Variants in RARB observed in about 807,000 individuals in gnomAD.
RARB encodes HBV-activated protein.
Under a neutral mutation model 51.9 loss-of-function variants are expected in RARB, and 17 were observed. That is an observed-to-expected ratio of 0.33 (90% CI 0.22 to 0.49). The LOEUF (loss-of-function observed/expected upper bound fraction) is 0.49, where lower values mean the gene tolerates loss of function less well. RARB is among the 20% of genes least tolerant of loss of function. The probability of loss-of-function intolerance (pLI) is 0.99; values close to 1 mark genes in which losing one functional copy is unlikely to be tolerated. For synonymous variants in RARB, 215 were observed against 195.4 expected (o/e 1.10, Z -0.84); for missense variants, 369 against 550.8 (o/e 0.67, Z 3.30).
chr3:24,937,577 A>C (rs1322776891), intron 2 of RARB, among the ~76,000 whole-genome samples: 1 of 152,180 alleles, frequency 6.6e-6, no homozygotes, highest in Non-Finnish European at 1.5e-5. Flanking sequence ...CAGGGAAGCA[A>C]ACAAGCAAAG....
chr3:25,019,996 C>T (rs1003891626), intron 2 of RARB, among the ~76,000 whole-genome samples: 1 of 151,948 alleles, frequency 6.6e-6, no homozygotes, highest in Non-Finnish European at 1.5e-5. Context: ...GTGACCTCTT[C>T]CAACTTACAC....
rs6796338 is a variant in RARB, at chr3:25,259,529, G to A, written c.178+84954G>A. On this transcript the variant is annotated intron_variant, in intron 5 of 11. Transcript: ENST00000383772. Reference sequence around the variant, plus strand: ...ACCTAGGAACCTACCTTTAGCCTAGGTCCCTGAATGACTGCCTACAGCAGA... The same window carrying A: ...ACCTAGGAACCTACCTTTAGCCTAGATCCCTGAATGACTGCCTACAGCAGA... Among the ~76,000 whole-genome samples the A allele has an allele frequency of 6.9e-3, 1,049 of 152,142 alleles. 10 individuals are homozygous for A. Among genetic ancestry groups the A allele is most frequent in the African/African-American group, 0.024 (998 of 41,516 alleles).
intron 3 of RARB, among the ~76,000 whole-genome samples, chr3:25,080,804 C>A (rs1575151218): frequency 6.6e-6 from 1 of 152,026 alleles, no homozygotes; most frequent in South Asian, 2.1e-4. Context: ...GGTATTAAAG[C>A]CTTATCAGGT....
At chr3:25,182,908 G>A (rs1485738603) in intron 5 of RARB, among the ~76,000 whole-genome samples, 1 of 152,132 alleles carries the variant, frequency 6.6e-6, no homozygotes, top group Non-Finnish European at 1.5e-5. Flanking sequence ...AGAGACACAT[G>A]TGAAGATTGG....
intron 3 of RARB, among the ~76,000 whole-genome samples, chr3:25,523,056 T>G (rs1044805630): frequency 2.6e-5 from 4 of 152,256 alleles, no homozygotes; most frequent in African/African-American, 9.6e-5. Flanking sequence ...AATCCCACTA[T>G]GCGTTGAAAA....
intron 3 of RARB, among the ~76,000 whole-genome samples, chr3:25,527,965 T>G (rs998894232): frequency 6.6e-6 from 1 of 152,224 alleles, no homozygotes; most frequent in Non-Finnish European, 1.5e-5. Flanking sequence ...AACAAGGCCC[T>G]GCACAAAGCC....
rs544695005 is a variant in RARB, at chr3:25,102,748, G to A, written c.-327-29413G>A. On this transcript the variant is annotated intron_variant, in intron 3 of 11. Transcript: ENST00000383772. The stretch of plus-strand genomic sequence containing the variant: ...CTGAATTTCAGTTAAGATGCCGTGA[G>A]TTTGTATAAAGAACTGCTTCATGCT... 1.6e-4 allele frequency among the ~76,000 whole-genome samples: 24 copies of A among 152,072 alleles called. No homozygotes were observed. The South Asian group carries it at 3.9e-3, about 25-fold the overall frequency.
At chr3:25,011,993 C>T (rs764176157) in intron 2 of RARB, among the ~76,000 whole-genome samples, 1 of 152,078 alleles carries the variant, frequency 6.6e-6, no homozygotes, top group Non-Finnish European at 1.5e-5. Context: ...ACAGGACTGA[C>T]ATCATCTGCA....
intron 3 of RARB, among the ~76,000 whole-genome samples, chr3:25,077,637 A>C (rs1167145146): frequency 6.6e-6 from 1 of 152,198 alleles, no homozygotes; most frequent in Non-Finnish European, 1.5e-5. Flanking sequence ...TAAAACTGCT[A>C]TGAAGATTTT....
chr3:25,155,867 T>C (rs1041463890), intron 4 of RARB, among the ~76,000 whole-genome samples: 4 of 152,182 alleles, frequency 2.6e-5, no homozygotes, highest in Non-Finnish European at 4.4e-5. Context: ...GGGGCATTGG[T>C]TCCCAGCCTT....
chr3:25,115,633 CCTTTCTTTTTCTTT>C (rs1211090516), intron 3 of RARB, among the ~76,000 whole-genome samples: 8 of 136,188 alleles, frequency 5.9e-5, no homozygotes, highest in Non-Finnish European at 1.3e-4. Flanking sequence ...TCTTTTTTTT[CCTTTCTTTTTCTTT>C]CTTTCTTTTT....
At chr3:25,529,046 G>A (rs750125463) in intron 3 of RARB, among the ~76,000 whole-genome samples, 9 of 151,922 alleles carry the variant, frequency 5.9e-5, no homozygotes, top group Admixed American at 1.3e-4. Flanking sequence ...TCAATTTTGA[G>A]CAGGAGAGAG....
chr3:25,153,509 T>G (rs959768231), intron 4 of RARB, among the ~76,000 whole-genome samples: 4 of 152,114 alleles, frequency 2.6e-5, no homozygotes, highest in Admixed American at 2.0e-4. Context: ...GACAATTCAA[T>G]GAGGTTAGGG....
At chr3:24,979,275 G>C in intron 2 of RARB, among the ~76,000 whole-genome samples, 1 of 152,160 alleles carries the variant, frequency 6.6e-6, no homozygotes, top group East Asian at 1.9e-4. Context: ...GGTCTGCTTG[G>C]TCCAGAGCTG....
chr3:24,987,367 T>C (rs1211105543), intron 2 of RARB, among the ~76,000 whole-genome samples: 2 of 152,116 alleles, frequency 1.3e-5, no homozygotes, highest in South Asian at 2.1e-4. Context: ...TTAGTGACTA[T>C]TAAAAAGAGA....
chr3:25,251,987 T>G (rs1405846594), intron 5 of RARB, among the ~76,000 whole-genome samples: 2 of 152,170 alleles, frequency 1.3e-5, no homozygotes, highest in East Asian at 1.9e-4. Context: ...TTTTCTAGTT[T>G]TAGCTCTTAT....
intron 2 of RARB, among the ~76,000 whole-genome samples, chr3:25,054,168 A>C (rs1252669119): frequency 6.6e-6 from 1 of 152,186 alleles, no homozygotes; most frequent in African/African-American, 2.4e-5. Flanking sequence ...TTATGTGTCT[A>C]AAATGTAGAC....
chr3:25,087,741 G>T (rs1699128330), intron 3 of RARB, among the ~76,000 whole-genome samples: 1 of 151,894 alleles, frequency 6.6e-6, no homozygotes, highest in Admixed American at 6.6e-5. Flanking sequence ...ACAATTTTTG[G>T]CAGTAAAAGA....
intron 3 of RARB, among the ~76,000 whole-genome samples, chr3:25,515,285 T>A (rs754144356): frequency 2.6e-5 from 4 of 152,206 alleles, no homozygotes; most frequent in African/African-American, 7.2e-5. Context: ...AGCAAATGTT[T>A]GTGAAATGTG....
Sources: allele counts gnomAD v4.1 joint callset (sites outside exome capture counted in the v4.1 genomes callset), GRCh38; gene constraint gnomAD v4.1.1; transcripts MANE v1.5; gene names NCBI Gene and HGNC (gene_info 2026-07-23, HGNC 2026-07-21).